The following CAPZB variants were observed in gnomAD, a reference collection of about 807,000 sequenced individuals.
The protein encoded by CAPZB is capping actin protein of muscle Z-line subunit beta.
CAPZB carries 2 observed loss-of-function variants against 38.1 expected under a neutral mutation model. The observed-to-expected ratio is 0.05, with a 90% confidence interval of 0.02 to 0.17. The LOEUF is 0.17. CAPZB is among the 10% of genes least tolerant of loss of function. The probability of loss-of-function intolerance (pLI) is 1.00; values close to 1 mark genes in which losing one functional copy is unlikely to be tolerated. For missense variants in CAPZB, 161 were observed against 334.2 expected, an observed-to-expected ratio of 0.48 and a Z score of 4.04; for synonymous variants, 107 against 127.4, an observed-to-expected ratio of 0.84 and a Z score of 1.08.
Position 19,435,899 on chromosome 1 carries a change from G to C in CAPZB, c.4-16149C>G, listed in dbSNP as rs184327426. ...AGCGGGTTATTTAGCACCTACTTTT[G>C]CACAGTTGAGTCACAAGTGAGGAAG... is the stretch of plus-strand genomic sequence containing the variant. On this transcript the variant is annotated intron_variant, in intron 1 of 8. Coordinates refer to ENST00000264202, the MANE Select transcript of CAPZB (RefSeq NM_004930.5). Among the ~76,000 whole-genome samples the C allele has an allele frequency of 1.4e-3, 217 of 152,284 alleles. 2 individuals are homozygous for C. Among genetic ancestry groups the C allele is most frequent in the Admixed American group, 0.012 (184 of 15,282 alleles).
intron 1 of CAPZB, among the ~76,000 whole-genome samples, chr1:19,427,773 A>G (rs796953927): frequency 2.6e-5 from 4 of 152,346 alleles, no homozygotes; most frequent in African/African-American, 9.6e-5. Flanking sequence ...GGAAAATCCA[A>G]TACCCTCGCT....
intron 1 of CAPZB, among the ~76,000 whole-genome samples, chr1:19,436,270 C>T (rs1033925712): frequency 2.6e-5 from 4 of 152,242 alleles, no homozygotes; most frequent in Admixed American, 2.0e-4. Flanking sequence ...CTTTTTGTCC[C>T]GCGTATCCAC....
intron 6 of CAPZB, among the ~76,000 whole-genome samples, chr1:19,349,622 T>C (rs1569892041): frequency 6.6e-6 from 1 of 152,138 alleles, no homozygotes; most frequent in Admixed American, 6.5e-5. Context: ...CGAAACCCCT[T>C]GGCCAACAAA....
intron 1 of CAPZB, among the ~76,000 whole-genome samples, chr1:19,460,797 CCTT>C (rs774490111): frequency 2.1e-4 from 32 of 152,084 alleles, no homozygotes; most frequent in Non-Finnish European, 3.7e-4. Context: ...CTGTATCACT[CCTT>C]AAGAGCAACA....
chr1:19,344,102 G>A (rs1296583880), intron 8 of CAPZB, among the ~76,000 whole-genome samples: 1 of 152,158 alleles, frequency 6.6e-6, no homozygotes, highest in South Asian at 2.1e-4. Flanking sequence ...CGGGGGCAAG[G>A]GCACCAATGG....
intron 1 of CAPZB, chr1:19,484,078 TG>T: frequency 9.0e-7 from 1 of 1,116,504 alleles, no homozygotes; most frequent in Non-Finnish European, 1.3e-6. Flanking sequence ...GGTCTATCTG[TG>T]GGGGCCTATG....
chr1:19,436,011 G>T (rs1228960996), intron 1 of CAPZB, among the ~76,000 whole-genome samples: 1 of 152,206 alleles, frequency 6.6e-6, no homozygotes, highest in Admixed American at 6.5e-5. Context: ...CCAGCTGTGT[G>T]ACCTTGGACA....
chr1:19,452,405 G>A (rs973183974), intron 1 of CAPZB, among the ~76,000 whole-genome samples: 13 of 152,202 alleles, frequency 8.5e-5, no homozygotes, highest in African/African-American at 2.7e-4. Flanking sequence ...GCCCGAGTCC[G>A]GCACAGTGGT....
chr1:19,344,283 A>C (rs750240578), intron 8 of CAPZB, 75 bp downstream of exon 8: 141 of 1,196,680 alleles, frequency 1.2e-4, no homozygotes, highest in Non-Finnish European at 1.7e-4. Flanking sequence ...CCAAGACCAC[A>C]CAGCTAGTAA....
chr1:19,351,021 C>T lies in CAPZB; in HGVS notation c.588+5614G>A, dbSNP rs370774133. 2.1e-3 allele frequency among the ~76,000 whole-genome samples: 306 copies of T among 146,690 alleles called. 5 individuals carry two copies. Among genetic ancestry groups the T allele is most frequent in the African/African-American group, 7.4e-3 (288 of 39,148 alleles). On this transcript the variant is annotated intron_variant, in intron 6 of 8. Coordinates refer to ENST00000264202, the MANE Select transcript of CAPZB (RefSeq NM_004930.5). ...TTTTTGAGATGGAGTCTTGCTCTGTCGCCCAGGCTGGAGTGCAATGGCGCG... is the reference window on the plus strand; with the variant it reads ...TTTTTGAGATGGAGTCTTGCTCTGTTGCCCAGGCTGGAGTGCAATGGCGCG...
intron 6 of CAPZB, among the ~76,000 whole-genome samples, chr1:19,352,181 G>A (rs968379878): frequency 8.5e-5 from 13 of 152,210 alleles, no homozygotes; most frequent in African/African-American, 3.1e-4. Flanking sequence ...AAAATATACT[G>A]CCTGGCCTAA....
At chr1:19,415,539 G>C (rs1260208761) in intron 2 of CAPZB, among the ~76,000 whole-genome samples, 1 of 152,228 alleles carries the variant, frequency 6.6e-6, no homozygotes, top group Non-Finnish European at 1.5e-5. Flanking sequence ...GTCATTCCCA[G>C]AGAACACTGG....
In CAPZB at chr1:19,378,594, C is replaced by T. The variant is rs2094155571; in HGVS notation, c.275G>A (p.Arg92Gln). Residue 92 changes from arginine to glutamine, a missense_variant, in exon 4 of 9, where the codon CGG (arginine) becomes CAG (glutamine). Arg to Gln is a conservative substitution (Grantham distance 43, BLOSUM62 1). Coordinates refer to ENST00000264202, the MANE Select transcript of CAPZB (RefSeq NM_004930.5). ...PLEDGAMPSA[R>Q]LRKLEVEANN... ...GGCTTCCACCTCCAGCTTTCTCAGC[C>T]GAGCTGACGGCATGGCCCCATCCTC... 2 of 1,613,628 alleles carry T rather than the reference C, an allele frequency of 1.2e-6. No individual in the cohort carries two copies. Among genetic ancestry groups the T allele is most frequent in the Non-Finnish European group, 8.5e-7 (1 of 1,179,676 alleles).
intron 1 of CAPZB, among the ~76,000 whole-genome samples, chr1:19,462,268 C>T (rs191699170): frequency 0.016 from 2,436 of 150,080 alleles, 32 homozygotes; most frequent in Middle Eastern, 0.037. Flanking sequence ...CTGGCTAACA[C>T]GGTGAAACCC....
intron 4 of CAPZB, among the ~76,000 whole-genome samples, chr1:19,368,265 G>A (rs890836362): frequency 6.6e-6 from 1 of 152,136 alleles, no homozygotes; most frequent in African/African-American, 2.4e-5. Flanking sequence ...GTGGTGGGAT[G>A]GAGCGCAGGC....
intron 6 of CAPZB, among the ~76,000 whole-genome samples, chr1:19,346,942 G>GCCT (rs1336604157): frequency 6.7e-6 from 1 of 149,258 alleles, no homozygotes; most frequent in Non-Finnish European, 1.5e-5. Flanking sequence ...TCCTGCCTCA[G>GCCT]CCTCCCCAGT....
At chr1:19,459,375 G>A (rs10799813) in intron 1 of CAPZB, among the ~76,000 whole-genome samples, 151,473 of 152,334 alleles carry the variant, frequency 0.99, 75,319 homozygotes, top group Middle Eastern at 1. Context: ...TTAAAGTTCT[G>A]TGTTATTTAA....
chr1:19,394,063 C>T (rs1489402592), intron 2 of CAPZB, among the ~76,000 whole-genome samples: 2 of 152,218 alleles, frequency 1.3e-5, no homozygotes, highest in Non-Finnish European at 2.9e-5. Flanking sequence ...TGCAGTGGCG[C>T]GATCTCGGCT....
At chr1:19,436,079 C>T (rs2094457330) in intron 1 of CAPZB, among the ~76,000 whole-genome samples, 1 of 152,204 alleles carries the variant, frequency 6.6e-6, no homozygotes, top group Non-Finnish European at 1.5e-5. Flanking sequence ...GGTAGTAACA[C>T]AGTAGTCACC....
Sources: allele counts gnomAD v4.1 joint callset (sites outside exome capture counted in the v4.1 genomes callset), GRCh38; gene constraint gnomAD v4.1.1; transcripts MANE v1.5; gene names NCBI Gene and HGNC (gene_info 2026-07-23, HGNC 2026-07-21).